Variants in FBXL7 observed in about 807,000 individuals in gnomAD.
The protein encoded by FBXL7 is F-box/LRR-repeat protein 7.
A neutral mutation model predicts 38.3 loss-of-function variants in FBXL7; 12 were observed. The ratio of observed to expected loss-of-function variants is 0.31; its 90% confidence interval spans 0.20 to 0.51. The LOEUF is 0.51. FBXL7 is among the 20% of genes least tolerant of loss of function. FBXL7 has a pLI of 0.98. For missense variants in FBXL7, 567 were observed against 676.4 expected (o/e 0.84, Z 1.79); for synonymous variants, 297 against 300.9 (o/e 0.99, Z 0.13).
chr5:15,519,136 G>A (rs977497315), intron 1 of FBXL7, among the ~76,000 whole-genome samples: 1 of 152,050 alleles, frequency 6.6e-6, no homozygotes, highest in South Asian at 2.1e-4. Context: ...CTGAGGTCAG[G>A]AGTTCAAGAC....
At chr5:15,570,981 A>G (rs1040289687) in intron 1 of FBXL7, among the ~76,000 whole-genome samples, 1 of 151,274 alleles carries the variant, frequency 6.6e-6, no homozygotes, top group African/African-American at 2.4e-5. Flanking sequence ...AATCCCAGCT[A>G]CTCCGGAGGC....
At chr5:15,737,319 G>C (rs1166338726) in intron 2 of FBXL7, among the ~76,000 whole-genome samples, 3 of 152,044 alleles carry the variant, frequency 2.0e-5, no homozygotes, top group Non-Finnish European at 4.4e-5. Flanking sequence ...TATATCTCCA[G>C]TCACAGCCAC....
chr5:15,610,735 TA>T (rs2126509648), intron 1 of FBXL7, among the ~76,000 whole-genome samples: 1 of 152,322 alleles, frequency 6.6e-6, no homozygotes, highest in South Asian at 2.1e-4. Flanking sequence ...CACGATATCC[TA>T]AATACAGAAA....
intron 2 of FBXL7, among the ~76,000 whole-genome samples, chr5:15,790,161 G>A (rs890167247): frequency 1.3e-5 from 2 of 152,148 alleles, no homozygotes; most frequent in African/African-American, 4.8e-5. Flanking sequence ...TGTTGTTACA[G>A]TCAATCTATC....
intron 1 of FBXL7, among the ~76,000 whole-genome samples, chr5:15,614,970 C>T (rs1740396596): frequency 6.6e-6 from 1 of 152,112 alleles, no homozygotes; most frequent in Non-Finnish European, 1.5e-5. Flanking sequence ...CTGCAAAATG[C>T]CTTACCTTCA....
At chr5:15,737,590 A>T (rs1735788999) in intron 2 of FBXL7, among the ~76,000 whole-genome samples, 1 of 152,188 alleles carries the variant, frequency 6.6e-6, no homozygotes, top group African/African-American at 2.4e-5. Flanking sequence ...AGATCTTTTT[A>T]AAATGTATTT....
intron 2 of FBXL7, among the ~76,000 whole-genome samples, chr5:15,723,237 A>G (rs11748700): frequency 0.54 from 82,758 of 151,862 alleles, 22,679 homozygotes; most frequent in East Asian, 0.68. Context: ...GAAACAACAG[A>G]GACATATTGG....
At chr5:15,814,465 T>C (rs1488616139) in intron 2 of FBXL7, among the ~76,000 whole-genome samples, 1 of 151,942 alleles carries the variant, frequency 6.6e-6, no homozygotes, top group Non-Finnish European at 1.5e-5. Flanking sequence ...TTAGGAGAAA[T>C]ACCTAATGTA....
intron 2 of FBXL7, among the ~76,000 whole-genome samples, chr5:15,779,646 A>C (rs997556375): frequency 6.6e-6 from 1 of 151,880 alleles, no homozygotes; most frequent in African/African-American, 2.4e-5. Context: ...CCATTAAAAA[A>C]CCCTTCATAT....
At chr5:15,735,783 ACAT>A (rs1167658670) in intron 2 of FBXL7, among the ~76,000 whole-genome samples, 1 of 152,210 alleles carries the variant, frequency 6.6e-6, no homozygotes, top group African/African-American at 2.4e-5. Flanking sequence ...TCCAGAGAAA[ACAT>A]CATCGGAAGC....
At chr5:15,837,302 C>A (rs1022720261) in intron 2 of FBXL7, among the ~76,000 whole-genome samples, 1 of 152,084 alleles carries the variant, frequency 6.6e-6, no homozygotes, top group African/African-American at 2.4e-5. Flanking sequence ...TCTTTAACTG[C>A]ATATATAGGA....
In FBXL7 at chr5:15,928,353, G is replaced by T; in HGVS notation, c.591G>T (p.Arg197Ser). Residue 197 changes from arginine (R) to serine (S), a missense_variant, in exon 3 of 4, where the codon AGG (arginine) becomes AGT (serine). Transcript: ENST00000504595. The surrounding 1 kb of genome is among the most constrained non-coding windows in gnomAD (Gnocchi z 4.0). ...AAACCGTAACTGTCAGTGGCTGCAG[G>T]CGGCTCACAGACCGAGGGCTGTACA... ...MLETVTVSGC[R>S]RLTDRGLYTI... The T allele has an allele frequency of 6.2e-7, 1 of 1,613,978 alleles. No homozygotes were observed. Among genetic ancestry groups the T allele is most frequent in the Admixed American group, 1.7e-5 (1 of 60,022 alleles).
chr5:15,814,358 T>A lies in FBXL7; in HGVS notation c.128-113532T>A, dbSNP rs569410658. Among the ~76,000 whole-genome samples, 445 of 152,196 alleles carry A rather than the reference T, an allele frequency of 2.9e-3. 2 individuals carry two copies. The highest frequency in any genetic ancestry group is 6.8e-3 in the Middle Eastern group (2 of 294). ...AACCAAACACTGCATGTTCTCACTCTTAAGTAGGAGTCGAACAATGAGAAC... is the reference window on the plus strand; with the variant it reads ...AACCAAACACTGCATGTTCTCACTCATAAGTAGGAGTCGAACAATGAGAAC... On this transcript the variant is annotated intron_variant, in intron 2 of 3. Transcript: ENST00000504595.
At chr5:15,661,230 T>C (rs180942748) in intron 2 of FBXL7, among the ~76,000 whole-genome samples, 6 of 152,278 alleles carry the variant, frequency 3.9e-5, no homozygotes, top group Middle Eastern at 3.4e-3. Context: ...AGAAACACAG[T>C]TGAATTTTAT....
chr5:15,928,051 A>ACCCCCCCCCCCCC lies in FBXL7; in HGVS notation c.290_291insCCCCCCCCCCCCC (p.His98ProfsTer139). 2.0e-6 allele frequency: 1 copy of ACCCCCCCCCCCCC among 506,290 alleles called. No individual in the cohort carries two copies. The highest frequency in any genetic ancestry group is 3.1e-6 in the Non-Finnish European group (1 of 322,942). 31.4% of individuals were successfully genotyped at this position (506,290 alleles called of 1,614,324 possible). On this transcript the variant is annotated frameshift_variant, in exon 3 of 4. Coordinates refer to ENST00000504595, the MANE Select transcript of FBXL7 (RefSeq NM_012304.5). LOFTEE classifies it high-confidence loss of function. This position sits in a 1 kb window ranked among gnomAD's most constrained non-coding sequence, Gnocchi z 4.0. ...GCACTCCCCGCCCCCGACCCGCCTC[A>ACCCCCCCCCCCCC]CACACCCGCTCATCCGGCTCGCCTC... is the stretch of plus-strand genomic sequence containing the variant.
At position 15,649,633 on chromosome 5, in the gene FBXL7, A is replaced by T. The variant is rs926780166; in HGVS notation, c.127+33561A>T. On this transcript the variant is annotated intron_variant, in intron 2 of 3. Transcript: ENST00000504595. ...TATGGTATGCCATCATAGCTGATGAAAGCAGCAAGATATAACTTGCCCTTT... is the reference window on the plus strand; with the variant it reads ...TATGGTATGCCATCATAGCTGATGATAGCAGCAAGATATAACTTGCCCTTT... Among the ~76,000 whole-genome samples the T allele has an allele frequency of 4.5e-4, 69 of 152,148 alleles. 1 individual carries two copies. The highest frequency in any genetic ancestry group is 4.5e-3 in the Admixed American group (68 of 15,270).
In FBXL7 at chr5:15,936,894, A is replaced by G; in HGVS notation, c.1184A>G (p.Glu395Gly). 1 of 1,614,038 alleles carries G rather than the reference A, an allele frequency of 6.2e-7. No homozygotes were observed. Among genetic ancestry groups the G allele is most frequent in the Non-Finnish European group, 8.5e-7 (1 of 1,179,880 alleles). Residue 395 changes from glutamate to glycine, a missense_variant, in exon 4 of 4, where the codon GAG (glutamate) becomes GGG (glycine). Glu to Gly is a moderately conservative substitution (Grantham distance 98). Transcript: ENST00000504595. The surrounding 1 kb of genome is among the most constrained non-coding windows in gnomAD (Gnocchi z 6.0). ...GAGGGCATCACGGACCACGGTGTGG[A>G]GTACCTCGCCAAGAACTGCACCAAA... ...GCEGITDHGV[E>G]YLAKNCTKLK...
intron 1 of FBXL7, among the ~76,000 whole-genome samples, chr5:15,583,535 G>T (rs185329325): frequency 6.6e-6 from 1 of 152,210 alleles, no homozygotes; most frequent in Non-Finnish European, 1.5e-5. Flanking sequence ...GGGAGAAATT[G>T]GCCAAAACAA....
chr5:15,670,821 TAAAA>T (rs139515877), intron 2 of FBXL7, among the ~76,000 whole-genome samples: 1 of 148,848 alleles, frequency 6.7e-6, no homozygotes, highest in African/African-American at 2.5e-5. Context: ...AAAATAAAAA[TAAAA>T]AAAAAATAAA....
Sources: allele counts gnomAD v4.1 joint callset (sites outside exome capture counted in the v4.1 genomes callset), GRCh38; gene constraint gnomAD v4.1.1; non-coding constraint Gnocchi (gnomAD v3.1); transcripts MANE v1.5; gene names NCBI Gene and HGNC (gene_info 2026-07-23, HGNC 2026-07-21).